Variants in AGPAT3 observed in about 807,000 individuals in gnomAD.
AGPAT3 encodes the protein 1-acyl-sn-glycerol-3-phosphate acyltransferase gamma.
A neutral mutation model predicts 47.3 loss-of-function variants in AGPAT3; 5 were observed. The ratio of observed to expected loss-of-function variants is 0.11; its 90% CI spans 0.06 to 0.22. The LOEUF is 0.22. Among genes scored for constraint, AGPAT3 ranks in the 10% least tolerant of loss-of-function variants. AGPAT3 has a pLI of 1.00. For missense variants in AGPAT3, 315 were observed against 493.0 expected, an observed-to-expected ratio of 0.64 and a Z score of 3.42; for synonymous variants, 212 against 208.3, an observed-to-expected ratio of 1.02 and a Z score of -0.15.
Position 43,920,218 on chromosome 21 carries a change from T to A in AGPAT3, c.-49+16199T>A, listed in dbSNP as rs4819344. Among the ~76,000 whole-genome samples, 2 of 151,104 alleles carry A rather than the reference T, an allele frequency of 1.3e-5. No homozygotes were observed. Among genetic ancestry groups the A allele is most frequent in the African/African-American group, 4.9e-5 (2 of 40,914 alleles). ...TCATGTCTTCAGCCCTGTGTGTGTG[T>A]GTGTGAGAGATTGTGAGTGAGTGTG... On this transcript the variant is annotated intron_variant, in intron 2 of 9. Transcript: ENST00000291572. This position sits in a 1 kb window ranked among gnomAD's most constrained non-coding sequence, Gnocchi z 6.1.
Position 43,934,949 on chromosome 21 carries a change from C to T in AGPAT3, c.-48-24685C>T, listed in dbSNP as rs1021769193. ...CCTCACATGTCACCCACGCCACTCA[C>T]ATGCCACTCACATGCCATTGACACG... On this transcript the variant is annotated intron_variant, in intron 2 of 9. Coordinates refer to ENST00000291572, the MANE Select transcript of AGPAT3 (RefSeq NM_020132.5). This position sits in a 1 kb window ranked among gnomAD's most constrained non-coding sequence, Gnocchi z 4.7. Among the ~76,000 whole-genome samples the T allele has an allele frequency of 2.6e-5, 4 of 151,512 alleles. No individual in the cohort carries two copies. The highest frequency in any genetic ancestry group is 4.4e-5 in the Non-Finnish European group (3 of 67,846).
intron 1 of AGPAT3, among the ~76,000 whole-genome samples, chr21:43,893,870 A>G (rs2086154239): frequency 6.6e-6 from 1 of 152,234 alleles, no homozygotes; most frequent in Admixed American, 6.5e-5. Flanking sequence ...CTGACCACAG[A>G]TCACTGTGAC....
At chr21:43,940,842 C>G (rs765562963) in intron 2 of AGPAT3, among the ~76,000 whole-genome samples, 5 of 152,218 alleles carry the variant, frequency 3.3e-5, no homozygotes, top group African/African-American at 1.2e-4. Context: ...GAGTCCGTGC[C>G]GGCTCTTACT....
At chr21:43,895,593 T>TTA (rs1348745767) in intron 1 of AGPAT3, among the ~76,000 whole-genome samples, 99 of 151,728 alleles carry the variant, frequency 6.5e-4, no homozygotes, top group African/African-American at 2.4e-3. Flanking sequence ...GATCACTTTT[T>TTA]AAAAAAAAAT....
At position 43,934,032 on chromosome 21, in the gene AGPAT3, G is replaced by C. The variant is rs1249994506; in HGVS notation, c.-48-25602G>C. Among the ~76,000 whole-genome samples the C allele has an allele frequency of 6.6e-6, 1 of 152,244 alleles. No individual in the cohort carries two copies. Among genetic ancestry groups the C allele is most frequent in the Non-Finnish European group, 1.5e-5 (1 of 68,048 alleles). On this transcript the variant is annotated intron_variant, in intron 2 of 9. Coordinates refer to ENST00000291572, the MANE Select transcript of AGPAT3 (RefSeq NM_020132.5). This position sits in a 1 kb window ranked among gnomAD's most constrained non-coding sequence, Gnocchi z 4.7. ...TCTCAGTCATGGCCAGCTGCCGAATGCCGTACCAGGGCAGGGGCAGTGGAG... is the reference window on the plus strand; with the variant it reads ...TCTCAGTCATGGCCAGCTGCCGAATCCCGTACCAGGGCAGGGGCAGTGGAG...
At chr21:43,879,129 C>CACT (rs1391146792) in intron 1 of AGPAT3, among the ~76,000 whole-genome samples, 5 of 152,052 alleles carry the variant, frequency 3.3e-5, no homozygotes, top group Admixed American at 3.3e-4. Flanking sequence ...GCAGGCTGAT[C>CACT]ACTCGAGGTC....
rs374909159 is a variant in AGPAT3 at position 43,969,081 on chromosome 21, C to T, written c.349-37C>T. On this transcript the variant is annotated intron_variant, in intron 4 of 9. Coordinates refer to ENST00000291572, the MANE Select transcript of AGPAT3 (RefSeq NM_020132.5). ...CCAAGCCCCTGGCCTCTGTCCGACGCTGAAGTGCCAGGTGCCCCTCCTTCT... is the reference window on the plus strand; with the variant it reads ...CCAAGCCCCTGGCCTCTGTCCGACGTTGAAGTGCCAGGTGCCCCTCCTTCT... The T allele has an allele frequency of 7.5e-6, 12 of 1,610,508 alleles. No individual in the cohort carries two copies. The South Asian group carries it at 1.2e-4, about 16-fold the overall frequency.
intron 2 of AGPAT3, among the ~76,000 whole-genome samples, chr21:43,913,007 C>T (rs1032423193): frequency 3.3e-5 from 5 of 152,272 alleles, no homozygotes; most frequent in East Asian, 1.9e-4. Context: ...ACATTGAGGA[C>T]GTGTAATATT....
chr21:43,936,255 C>T (rs776926897), intron 2 of AGPAT3, among the ~76,000 whole-genome samples: 9 of 152,254 alleles, frequency 5.9e-5, no homozygotes, highest in African/African-American at 9.6e-5. Context: ...TTGTGCCTGA[C>T]GTCACACCAG....
intron 1 of AGPAT3, among the ~76,000 whole-genome samples, chr21:43,902,666 C>T (rs551679560): frequency 6.8e-4 from 104 of 152,270 alleles, no homozygotes; most frequent in African/African-American, 2.5e-3. Context: ...CTGCCAATGG[C>T]CCTGTCTCCA....
At chr21:43,898,765 G>C (rs2086284313) in intron 1 of AGPAT3, among the ~76,000 whole-genome samples, 1 of 152,220 alleles carries the variant, frequency 6.6e-6, no homozygotes, top group African/African-American at 2.4e-5. Flanking sequence ...GACCTCAGGT[G>C]ATCAGCCCAC....
chr21:43,977,673 C>G (rs944287455), intron 7 of AGPAT3, among the ~76,000 whole-genome samples: 1 of 151,900 alleles, frequency 6.6e-6, no homozygotes, highest in Non-Finnish European at 1.5e-5. Flanking sequence ...GTCAAGAGAT[C>G]GAGACCATCC....
intron 1 of AGPAT3, among the ~76,000 whole-genome samples, chr21:43,866,888 G>A (rs1044838808): frequency 7.2e-5 from 11 of 152,226 alleles, no homozygotes; most frequent in African/African-American, 2.7e-4. Flanking sequence ...AAGACTGCTG[G>A]GTTAAAGGCA....
intron 1 of AGPAT3, chr21:43,867,641 C>G (rs960211304): frequency 3.3e-5 from 5 of 152,352 alleles, no homozygotes; most frequent in Admixed American, 3.3e-4. Context: ...CCCTCTCTGG[C>G]CTTGTCAAAA....
In AGPAT3 at chr21:43,924,843, C is replaced by T. The variant is rs1008935860; in HGVS notation, c.-49+20824C>T. Among the ~76,000 whole-genome samples, 18 of 152,288 alleles carry T rather than the reference C, an allele frequency of 1.2e-4. 1 individual carries two copies. The South Asian group carries it at 3.7e-3, about 32-fold the overall frequency. The stretch of plus-strand genomic sequence containing the variant: ...GTCCAGGGCTGCCGTGTTGGAGAGG[C>T]GTGTGGGAATGTGCGTTTTGGGATG... On this transcript the variant is annotated intron_variant, in intron 2 of 9. Transcript: ENST00000291572.
chr21:43,921,162 G>A (rs961423341), intron 2 of AGPAT3, among the ~76,000 whole-genome samples: 4 of 152,184 alleles, frequency 2.6e-5, no homozygotes, highest in Non-Finnish European at 4.4e-5. Context: ...TGAGTTCTGT[G>A]AGCTGCTCTG....
intron 2 of AGPAT3, among the ~76,000 whole-genome samples, chr21:43,956,381 C>T (rs947409972): frequency 3.9e-5 from 6 of 152,170 alleles, no homozygotes; most frequent in African/African-American, 1.4e-4. Context: ...ATATGATGCA[C>T]GAAGCCTCTC....
intron 3 of AGPAT3, chr21:43,967,714 A>T: frequency 3.8e-6 from 2 of 520,956 alleles, no homozygotes; most frequent in Non-Finnish European, 6.8e-6. Flanking sequence ...CTCCATGCAG[A>T]GTGGCGGTTC....
intron 2 of AGPAT3, among the ~76,000 whole-genome samples, chr21:43,918,036 G>C (rs571154801): frequency 8.4e-6 from 1 of 119,646 alleles, no homozygotes; most frequent in South Asian, 3.1e-4. Context: ...TGTAGGGGTT[G>C]TTGGTGTTGT....
Sources: gnomAD v4.1 joint callset for allele counts (sites outside exome capture counted in the v4.1 genomes callset) on GRCh38, gnomAD v4.1.1 for gene constraint, Gnocchi (gnomAD v3.1) non-coding constraint, MANE v1.5 for transcripts, NCBI Gene and HGNC (gene_info 2026-07-23, HGNC 2026-07-21) for gene names.